AHI1: variants seen among roughly 807,000 people sequenced by gnomAD.
The protein encoded by AHI1 is jouberin.
A neutral mutation model predicts 149.3 loss-of-function variants in AHI1; 123 were observed. The ratio of observed to expected loss-of-function variants is 0.82; its 90% confidence interval spans 0.71 to 0.96. The LOEUF (loss-of-function observed/expected upper bound fraction) is 0.96, where lower values mean the gene tolerates loss of function less well. Among genes scored for constraint, AHI1 ranks in the 40% least tolerant of loss-of-function variants. AHI1 has a pLI of 0.00. For synonymous variants in AHI1, 475 were observed against 459.8 expected (o/e 1.03, Z -0.42); for missense variants, 1,439 against 1,422.7 (o/e 1.01, Z -0.18).
At chr6:135,386,782 C>T (rs1338197056) in intron 23 of AHI1, among the ~76,000 whole-genome samples, 1 of 152,060 alleles carries the variant, frequency 6.6e-6, no homozygotes, top group African/African-American at 2.4e-5. Flanking sequence ...AGGCGCCCAC[C>T]ACCATGCCTG....
At chr6:135,414,852 TG>T (rs1467217287) in intron 20 of AHI1, among the ~76,000 whole-genome samples, 1 of 151,954 alleles carries the variant, frequency 6.6e-6, no homozygotes, top group Non-Finnish European at 1.5e-5. Context: ...TTAGGGTACA[TG>T]TGCACAATGT....
intron 26 of AHI1, among the ~76,000 whole-genome samples, chr6:135,314,961 G>A (rs57135452): frequency 0.013 from 2,053 of 152,248 alleles, 55 homozygotes; most frequent in African/African-American, 0.047. Flanking sequence ...CCTTGCCTAC[G>A]TCCTATTTCA....
intron 27 of AHI1, among the ~76,000 whole-genome samples, chr6:135,296,951 T>C (rs1247208239): frequency 1.3e-5 from 2 of 152,222 alleles, no homozygotes; most frequent in African/African-American, 4.8e-5. Context: ...TTGTGTATCA[T>C]ATCATTCATC....
At chr6:135,359,675 T>C (rs1793542682) in intron 23 of AHI1, among the ~76,000 whole-genome samples, 1 of 152,168 alleles carries the variant, frequency 6.6e-6, no homozygotes, top group Non-Finnish European at 1.5e-5. Flanking sequence ...GGCTTTCAAA[T>C]GAGAGTGGTC....
chr6:135,439,912 T>C (rs1342002370), intron 14 of AHI1, among the ~76,000 whole-genome samples: 2 of 151,896 alleles, frequency 1.3e-5, no homozygotes, highest in Non-Finnish European at 2.9e-5. Context: ...AAAAATCTCC[T>C]CCCCACAGAA....
At chr6:135,467,688 GA>G in intron 5 of AHI1, 54 bp from the exon 6 acceptor site, 1 of 1,286,684 alleles carries the variant, frequency 7.8e-7, no homozygotes. Flanking sequence ...GTTGTATCAA[GA>G]AAAACCAATA....
intron 21 of AHI1, among the ~76,000 whole-genome samples, chr6:135,409,120 G>T (rs1302488909): frequency 1.3e-5 from 2 of 151,994 alleles, no homozygotes; most frequent in Admixed American, 6.6e-5. Flanking sequence ...CTTTGTTAAA[G>T]ATTTACTATT....
At chr6:135,311,147 C>T (rs1187407210) in intron 26 of AHI1, among the ~76,000 whole-genome samples, 1 of 151,630 alleles carries the variant, frequency 6.6e-6, no homozygotes, top group Admixed American at 6.6e-5. Flanking sequence ...ACTAAAAGTA[C>T]AAACATTAGC....
intron 24 of AHI1, among the ~76,000 whole-genome samples, chr6:135,353,463 C>A (rs1792466980): frequency 6.6e-6 from 1 of 152,020 alleles, no homozygotes. Flanking sequence ...AAGGACATTT[C>A]ACTTAAACTC....
Position 135,489,567 on chromosome 6 carries a change from A to G in AHI1, c.135+1056T>C, listed in dbSNP as rs77022127. 4.0e-4 allele frequency among the ~76,000 whole-genome samples: 61 copies of G among 152,228 alleles called. 2 individuals carry two copies. The East Asian group carries it at 0.011, about 28-fold the overall frequency. On this transcript the variant is annotated intron_variant, in intron 5 of 28. Transcript: ENST00000265602. Reference sequence around the variant, plus strand: ...GCAATGTTTCATCCTCCATGTCACTATTCCCTACCATATTGTGCACTAGTA... The same window carrying G: ...GCAATGTTTCATCCTCCATGTCACTGTTCCCTACCATATTGTGCACTAGTA...
At chr6:135,379,710 CCT>C (rs1776419887) in intron 23 of AHI1, among the ~76,000 whole-genome samples, 1 of 152,164 alleles carries the variant, frequency 6.6e-6, no homozygotes, top group Non-Finnish European at 1.5e-5. Flanking sequence ...CCTGCTGCTA[CCT>C]CTCTGAACTT....
At chr6:135,411,638 A>G in intron 20 of AHI1, 94 bp from the exon 21 acceptor site, 1 of 1,003,758 alleles carries the variant, frequency 1.0e-6, no homozygotes, top group Non-Finnish European at 1.4e-6. Flanking sequence ...CAGAAACTGC[A>G]TAACACATCT....
chr6:135,302,695 C>A, intron 26 of AHI1: 1 of 1,216,266 alleles, frequency 8.2e-7, no homozygotes, highest in Non-Finnish European at 1.0e-6. Flanking sequence ...ATTTGACTTC[C>A]AAACACCTTT....
At chr6:135,373,824 T>TG (rs1473434545) in intron 23 of AHI1, among the ~76,000 whole-genome samples, 1 of 152,084 alleles carries the variant, frequency 6.6e-6, no homozygotes, top group Non-Finnish European at 1.5e-5. Flanking sequence ...ACAAGCTACT[T>TG]GCTAAGCACA....
intron 23 of AHI1, chr6:135,387,902 A>C (rs1177809109): frequency 2.2e-5 from 35 of 1,585,202 alleles, no homozygotes; most frequent in Non-Finnish European, 3.0e-5. Flanking sequence ...GAAGAGAGAA[A>C]GTGAACTACC....
intron 28 of AHI1, among the ~76,000 whole-genome samples, chr6:135,289,588 T>A (rs1461841757): frequency 6.6e-6 from 1 of 152,078 alleles, no homozygotes; most frequent in Non-Finnish European, 1.5e-5. Context: ...TATGACTTTT[T>A]TTCTTTTTGA....
intron 23 of AHI1, among the ~76,000 whole-genome samples, chr6:135,366,215 G>T (rs181320968): frequency 1.3e-5 from 2 of 151,576 alleles, no homozygotes; most frequent in East Asian, 3.9e-4. Context: ...TTGCATTTAT[G>T]TTAATCAGGG....
intron 23 of AHI1, chr6:135,388,104 AGAC>A: frequency 6.5e-7 from 1 of 1,530,792 alleles, no homozygotes; most frequent in Non-Finnish European, 9.0e-7. Context: ...GTACCATAAA[AGAC>A]ATTTAAGGGC....
intron 20 of AHI1, among the ~76,000 whole-genome samples, chr6:135,425,631 C>A (rs1232720948): frequency 6.6e-6 from 1 of 151,810 alleles, no homozygotes; most frequent in Non-Finnish European, 1.5e-5. Flanking sequence ...AGTACCTTTT[C>A]ATAGATAAGA....
Sources: gnomAD v4.1 joint callset for allele counts (sites outside exome capture counted in the v4.1 genomes callset) on GRCh38, gnomAD v4.1.1 for gene constraint, MANE v1.5 for transcripts, NCBI Gene and HGNC (gene_info 2026-07-23, HGNC 2026-07-21) for gene names.